The following USP42 variants were observed in gnomAD, a reference collection of about 807,000 sequenced individuals.
USP42 encodes the protein ubiquitin specific peptidase 42.
USP42 carries 23 observed loss-of-function variants against 113.0 expected under a neutral mutation model. The ratio of observed to expected loss-of-function variants is 0.20; its 90% confidence interval spans 0.15 to 0.29. The LOEUF (loss-of-function observed/expected upper bound fraction) is 0.29, where lower values mean the gene tolerates loss of function less well. Ranked by LOEUF, USP42 falls within the 10% of genes least tolerant of loss-of-function variation. The pLI is 1.00. For missense variants in USP42, 2,174 were observed against 1,779.8 expected (o/e 1.22, Z -3.99); for synonymous variants, 933 against 699.0 (o/e 1.33, Z -5.28).
the USP42 span, among the ~76,000 whole-genome samples, chr7:6,092,053 CTTTCTTCTTCTTCTTCT>C: frequency 3.6e-4 from 15 of 41,752 alleles, no homozygotes; most frequent in African/African-American, 6.0e-4. Flanking sequence ...TCTTCTTCTT[CTTTCTTCTTCTTCTTCT>C]TCTTCCTCTT....
At chr7:6,148,552 T>G (rs1781850575) in intron 12 of USP42, among the ~76,000 whole-genome samples, 1 of 152,330 alleles carries the variant, frequency 6.6e-6, no homozygotes, top group South Asian at 2.1e-4. Context: ...TAGGTCCATT[T>G]AGTCGTTTCA....
chr7:6,158,221 C>A lies in USP42; in HGVS notation c.3943+1166C>A, dbSNP rs562432149. On this transcript the variant is annotated intron_variant, in intron 16 of 17. Coordinates refer to ENST00000306177, the MANE Select transcript of USP42 (RefSeq NM_032172.3). This position sits in a 1 kb window ranked among gnomAD's most constrained non-coding sequence, Gnocchi z 4.2. Reference sequence around the variant, plus strand: ...CCAGGTGCGTTCCCACGCTGTCTGGCGGCTTCGCTGTCACTGCCTGGCAGA... The same window carrying A: ...CCAGGTGCGTTCCCACGCTGTCTGGAGGCTTCGCTGTCACTGCCTGGCAGA... 6.6e-6 allele frequency among the ~76,000 whole-genome samples: 1 copy of A among 152,364 alleles called. No individual in the cohort carries two copies. The highest frequency in any genetic ancestry group is 1.9e-4 in the East Asian group (1 of 5,182).
chr7:6,092,123 CCTTCTT>C, the USP42 span, among the ~76,000 whole-genome samples: 4 of 129,036 alleles, frequency 3.1e-5, no homozygotes, highest in Non-Finnish European at 4.8e-5. Flanking sequence ...TCTTCCTCTT[CCTTCTT>C]CTTCTTCTTC....
chr7:6,116,572 C>A (rs1779922945), intron 3 of USP42: 2 of 306,414 alleles, frequency 6.5e-6, no homozygotes, highest in Non-Finnish European at 6.2e-6. Flanking sequence ...TCCTTGGTTT[C>A]TTTTTGAATA....
In USP42 at chr7:6,139,938, C is replaced by T; in HGVS notation, c.657-190C>T. 1.6e-6 allele frequency: 1 copy of T among 626,868 alleles called. No individual in the cohort carries two copies. Among genetic ancestry groups the T allele is most frequent in the Non-Finnish European group, 2.9e-6 (1 of 349,298 alleles). 38.8% of individuals were successfully genotyped at this position (626,868 alleles called of 1,614,324 possible). ...CAGCTCTGCGTCTCCTCCCGCCACTCCCAGACCTCCCTGTGTTCTGGCCAG... is the reference window on the plus strand; with the variant it reads ...CAGCTCTGCGTCTCCTCCCGCCACTTCCAGACCTCCCTGTGTTCTGGCCAG... On this transcript the variant is annotated intron_variant, in intron 5 of 17. Transcript: ENST00000306177. This position sits in a 1 kb window ranked among gnomAD's most constrained non-coding sequence, Gnocchi z 4.5.
At position 6,150,068 on chromosome 7, in the gene USP42, G is replaced by A. The variant is rs1390110744; in HGVS notation, c.1872G>A (p.Lys624=). The part of the protein sequence containing the change: ...DSDEESKGLG[K]ENGIGTIVSS... ...ACGAGGAGTCAAAGGGGCTGGGCAA[G>A]GAGAATGGGATTGGTACGATTGTGA... Residue 624 remains lysine, a synonymous_variant, in exon 13 of 18, where the codon AAG becomes AAA. Transcript: ENST00000306177. 1 of 1,609,486 alleles carries A rather than the reference G, an allele frequency of 6.2e-7. No homozygotes were observed. Among genetic ancestry groups the A allele is most frequent in the African/African-American group, 1.3e-5 (1 of 74,946 alleles).
chr7:6,156,518 T>G (rs1318288549), intron 15 of USP42, among the ~76,000 whole-genome samples: 1 of 152,202 alleles, frequency 6.6e-6, no homozygotes, highest in Non-Finnish European at 1.5e-5. Context: ...GTTGCAGTCG[T>G]AGCTCACTGC....
chr7:6,102,280 A>G (rs1334133911), upstream of USP42, among the ~76,000 whole-genome samples: 1 of 149,068 alleles, frequency 6.7e-6, no homozygotes, highest in Non-Finnish European at 1.5e-5. Context: ...CAGCCAACTG[A>G]TTTTTGTATT....
chr7:6,103,982 G>A (rs1187993178), upstream of USP42, among the ~76,000 whole-genome samples: 2 of 151,226 alleles, frequency 1.3e-5, no homozygotes, highest in African/African-American at 4.9e-5. Context: ...TGCTAGGGAG[G>A]CTAAGACAGG....
At chr7:6,104,717 G>T (rs61753116), upstream of USP42, among the ~76,000 whole-genome samples, 4,583 of 152,272 alleles carry the variant, frequency 0.03, 99 homozygotes, top group Middle Eastern at 0.048. Flanking sequence ...CTGCCGGCCC[G>T]ACCGGCGCTC....
chr7:6,145,824 C>T (rs1396771308), intron 10 of USP42, among the ~76,000 whole-genome samples, 168 bp downstream of exon 10: 1 of 152,182 alleles, frequency 6.6e-6, no homozygotes, highest in Non-Finnish European at 1.5e-5. Flanking sequence ...AATCCCTACA[C>T]TTTGGGAGAC....
chr7:6,121,640 C>A (rs1275759010), intron 3 of USP42, among the ~76,000 whole-genome samples: 2 of 152,084 alleles, frequency 1.3e-5, no homozygotes, highest in African/African-American at 2.4e-5. Context: ...TTCTCATGGG[C>A]AGGTTTTAAA....
chr7:6,161,345 TAC>T lies in USP42; in HGVS notation c.*830_*831del, dbSNP rs1406273174. On this transcript the variant is annotated 3_prime_UTR_variant, in exon 18 of 18. Coordinates refer to ENST00000306177, the MANE Select transcript of USP42 (RefSeq NM_032172.3). The stretch of plus-strand genomic sequence containing the variant: ...ATATGGATATGCTATCAAACTGTGA[TAC>T]ACTTATAATTCACTGGTCCTGCATC... 2.0e-5 allele frequency: 3 copies of T among 152,748 alleles called. No homozygotes were observed. The highest frequency in any genetic ancestry group is 7.2e-5 in the African/African-American group (3 of 41,564). 9.5% of individuals were successfully genotyped at this position (152,748 alleles called of 1,614,324 possible). A position where few individuals can be genotyped will look rare whatever the true frequency, so the allele number is the denominator to read the frequency against.
At chr7:6,096,530 A>G in the USP42 span, among the ~76,000 whole-genome samples, 2 of 151,336 alleles carry the variant, frequency 1.3e-5, no homozygotes, top group Non-Finnish European at 2.9e-5. Flanking sequence ...GAGTTCACTC[A>G]GGTTCATCTG....
In USP42 at chr7:6,157,266, C is replaced by T; in HGVS notation, c.3943+211C>T. 7.6e-7 allele frequency: 1 copy of T among 1,319,474 alleles called. No homozygotes were observed. Among genetic ancestry groups the T allele is most frequent in the Non-Finnish European group, 9.6e-7 (1 of 1,037,804 alleles). The allele number at this position is 1,319,474 out of a possible 1,614,324, so 81.7% of individuals were successfully genotyped here. A position where few individuals can be genotyped will look rare whatever the true frequency, so the allele number is the denominator to read the frequency against. Reference sequence around the variant, plus strand: ...TAAGCCCTTAGCGTTTATTGAAGGCCTAAGTGACACAGGACTGAGGGCAGC... The same window carrying T: ...TAAGCCCTTAGCGTTTATTGAAGGCTTAAGTGACACAGGACTGAGGGCAGC... On this transcript the variant is annotated intron_variant, in intron 16 of 17. Transcript: ENST00000306177. This position sits in a 1 kb window ranked among gnomAD's most constrained non-coding sequence, Gnocchi z 4.1.
rs1025970952 is a variant in USP42, at chr7:6,159,172, C to T, written c.3944-278C>T. 1.3e-5 allele frequency among the ~76,000 whole-genome samples: 2 copies of T among 152,192 alleles called. No individual in the cohort carries two copies. Among genetic ancestry groups the T allele is most frequent in the African/African-American group, 4.8e-5 (2 of 41,438 alleles). The stretch of plus-strand genomic sequence containing the variant: ...ACTCCTCCTCTGGCTCTGTTCCGCC[C>T]AGTTCAGTTCTTGGGCCTGATATCT... On this transcript the variant is annotated intron_variant, in intron 16 of 17. Transcript: ENST00000306177. This position sits in a 1 kb window ranked among gnomAD's most constrained non-coding sequence, Gnocchi z 4.1.
upstream of USP42, among the ~76,000 whole-genome samples, chr7:6,101,973 T>C (rs1790139824): frequency 6.7e-6 from 1 of 150,134 alleles, no homozygotes; most frequent in Non-Finnish European, 1.5e-5. Context: ...TTGTAGTCCC[T>C]GAGGCAGAAG....
chr7:6,082,199 G>A, the USP42 span, among the ~76,000 whole-genome samples: 1 of 151,732 alleles, frequency 6.6e-6, no homozygotes, highest in East Asian at 1.9e-4. Context: ...CGCGATCTCG[G>A]CTCACTGCAA....
In USP42 at chr7:6,159,396, C is replaced by T; in HGVS notation, c.3944-54C>T. On this transcript the variant is annotated intron_variant, in intron 16 of 17. Transcript: ENST00000306177. The surrounding 1 kb of genome is among the most constrained non-coding windows in gnomAD (Gnocchi z 4.1). ...CTTAACGCACACACACAGCAGAGGC[C>T]CTGGCGATTTTGCAACCATCATTAA... 7 of 1,613,224 alleles carry T rather than the reference C, an allele frequency of 4.3e-6. No individual in the cohort carries two copies. Among genetic ancestry groups the T allele is most frequent in the African/African-American group, 1.3e-5 (1 of 75,022 alleles).
Sources: gnomAD v4.1 joint callset for allele counts (sites outside exome capture counted in the v4.1 genomes callset) on GRCh38, gnomAD v4.1.1 for gene constraint, Gnocchi (gnomAD v3.1) non-coding constraint, MANE v1.5 for transcripts, NCBI Gene and HGNC (gene_info 2026-07-23, HGNC 2026-07-21) for gene names.